KCNG2: variants seen among roughly 807,000 people sequenced by gnomAD.
KCNG2 encodes the protein potassium voltage-gated channel modifier subfamily G member 2, also known as voltage-gated potassium channel regulatory subunit KCNG2.
Under a neutral mutation model 12.3 loss-of-function variants are expected in KCNG2, and 7 were observed. The observed-to-expected ratio is 0.57, with a 90% CI of 0.32 to 1.07. The LOEUF (loss-of-function observed/expected upper bound fraction) is 1.07, where lower values mean the gene tolerates loss of function less well. Among genes scored for constraint, KCNG2 ranks in the 50% least tolerant of loss-of-function variants. KCNG2 has a pLI of 0.04. For synonymous variants in KCNG2, 414 were observed against 351.4 expected (o/e 1.18, Z -1.99); for missense variants, 703 against 726.0 (o/e 0.97, Z 0.36).
intron 3 of KCNG2, 56 bp from the exon 4 acceptor site, chr18:79,898,984 G>A (rs1370294593): frequency 5.6e-5 from 74 of 1,323,184 alleles, no homozygotes; most frequent in Non-Finnish European, 7.1e-5. Context: ...AGGGCAAGGC[G>A]CCCCCGGCCC....
chr18:79,887,141 G>A (rs1304807136), intron 3 of KCNG2, among the ~76,000 whole-genome samples: 3 of 149,688 alleles, frequency 2.0e-5, no homozygotes, highest in Admixed American at 6.6e-5. Context: ...TAGGGACACG[G>A]ACAGGGACAC....
intron 1 of KCNG2, among the ~76,000 whole-genome samples, chr18:79,810,602 T>TAA (rs60416483): frequency 1.3e-5 from 2 of 150,940 alleles, no homozygotes; most frequent in Non-Finnish European, 3.0e-5. Context: ...ACCCTGTCTC[T>TAA]AAAAAAAAAG....
chr18:79,862,731 A>G (rs1014930456), intron 2 of KCNG2, among the ~76,000 whole-genome samples: 2 of 152,206 alleles, frequency 1.3e-5, no homozygotes, highest in African/African-American at 4.8e-5. Context: ...TCAGGCAGCA[A>G]TGGCTGAAAC....
At chr18:79,801,491 G>A (rs1478385010) in intron 1 of KCNG2, among the ~76,000 whole-genome samples, 2 of 152,234 alleles carry the variant, frequency 1.3e-5, no homozygotes, top group African/African-American at 4.8e-5. Context: ...GCCCGGCAAG[G>A]AGGGGACGCA....
intron 1 of KCNG2, among the ~76,000 whole-genome samples, chr18:79,828,323 T>C (rs1599375572): frequency 6.6e-6 from 1 of 152,348 alleles, no homozygotes; most frequent in Admixed American, 6.5e-5. Flanking sequence ...ACTGCGTCAT[T>C]GCATGTCTGC....
In KCNG2 at chr18:79,864,030, C is replaced by T. The variant is rs1979342612; in HGVS notation, c.363C>T (p.Arg121=). ...CGCGCCTGGAGCGCTGCTGCCTGCG[C>T]CGCCTGCGCCGCCGCGAGGAGGAGG... The part of the protein sequence containing the change: ...DEARLERCCL[R]RLRRREEEAA... The change falls in exon 3 of 4, where the codon CGC becomes CGT. Residue 121 remains arginine (R), a synonymous_variant. Transcript: ENST00000316249. 8.7e-7 allele frequency: 1 copy of T among 1,143,858 alleles called. No homozygotes were observed. The highest frequency in any genetic ancestry group is 1.1e-6 in the Non-Finnish European group (1 of 931,876). 70.9% of individuals were successfully genotyped at this position (1,143,858 alleles called of 1,614,324 possible). A position where few individuals can be genotyped will look rare whatever the true frequency, so the allele number is the denominator to read the frequency against.
At chr18:79,804,568 G>A (rs1247462982) in intron 1 of KCNG2, among the ~76,000 whole-genome samples, 2 of 152,248 alleles carry the variant, frequency 1.3e-5, no homozygotes, top group African/African-American at 2.4e-5. Context: ...AGCTGCTGAC[G>A]CACCGCTGCT....
At chr18:79,853,008 G>A (rs776370510) in intron 1 of KCNG2, among the ~76,000 whole-genome samples, 8 of 152,214 alleles carry the variant, frequency 5.3e-5, no homozygotes, top group Admixed American at 3.9e-4. Flanking sequence ...ACACGGCACC[G>A]CGTGGATGCC....
chr18:79,877,850 C>G (rs1448543053), intron 3 of KCNG2, among the ~76,000 whole-genome samples: 1 of 152,220 alleles, frequency 6.6e-6, no homozygotes, highest in Non-Finnish European at 1.5e-5. Flanking sequence ...GGGCTCCCAG[C>G]CCACTTAGTT....
chr18:79,805,157 T>C (rs1260584566), intron 1 of KCNG2, among the ~76,000 whole-genome samples: 1 of 152,232 alleles, frequency 6.6e-6, no homozygotes, highest in African/African-American at 2.4e-5. Flanking sequence ...TGAAGAAACT[T>C]TGCATATCGT....
chr18:79,833,664 G>T (rs1013332922), intron 1 of KCNG2, among the ~76,000 whole-genome samples: 1 of 152,190 alleles, frequency 6.6e-6, no homozygotes, highest in Non-Finnish European at 1.5e-5. Flanking sequence ...CATTTCCACG[G>T]ATAAACAAGG....
In KCNG2 at chr18:79,884,521, C is replaced by G. The variant is rs1007879253; in HGVS notation, c.625-14519C>G. 6.6e-6 allele frequency among the ~76,000 whole-genome samples: 1 copy of G among 151,756 alleles called. No individual in the cohort carries two copies. The highest frequency in any genetic ancestry group is 2.4e-5 in the African/African-American group (1 of 41,374). On this transcript the variant is annotated intron_variant, in intron 3 of 3. Transcript: ENST00000316249. This position sits in a 1 kb window ranked among gnomAD's most constrained non-coding sequence, Gnocchi z 5.5. The stretch of plus-strand genomic sequence containing the variant: ...GGGGGAGAGCCAGGCTGTGATGTCC[C>G]GATGCAGTGGAGGAGCAGGGCTGGG...
intron 1 of KCNG2, among the ~76,000 whole-genome samples, chr18:79,841,436 T>C (rs1262238555): frequency 6.6e-6 from 1 of 152,162 alleles, no homozygotes; most frequent in African/African-American, 2.4e-5. Context: ...TATTTTGCTC[T>C]GCAAAAGACC....
At chr18:79,810,302 A>C (rs1236313668) in intron 1 of KCNG2, among the ~76,000 whole-genome samples, 1 of 151,912 alleles carries the variant, frequency 6.6e-6, no homozygotes, top group East Asian at 1.9e-4. Context: ...ATGAGACTGG[A>C]GAATTTCTGA....
At chr18:79,818,018 C>T (rs1357510878) in intron 1 of KCNG2, among the ~76,000 whole-genome samples, 1 of 152,232 alleles carries the variant, frequency 6.6e-6, no homozygotes, top group Non-Finnish European at 1.5e-5. Flanking sequence ...GCTGCCTCCT[C>T]GCCAGGTGGG....
At position 79,850,496 on chromosome 18, in the gene KCNG2, G is replaced by A. The variant is rs190814002; in HGVS notation, c.-114-5883G>A. On this transcript the variant is annotated intron_variant, in intron 1 of 3. Transcript: ENST00000316249. ...ATTTCTGAAGTCAATTCTAGTCCATGTTTTATTGTCTTTATTGGCATGAAG... is the reference window on the plus strand; with the variant it reads ...ATTTCTGAAGTCAATTCTAGTCCATATTTTATTGTCTTTATTGGCATGAAG... Among the ~76,000 whole-genome samples the A allele has an allele frequency of 2.6e-5, 4 of 152,318 alleles. No homozygotes were observed. The East Asian group carries it at 5.8e-4, about 22-fold the overall frequency.
At chr18:79,866,216 GTGCTGAGAGGTCTGGA>G (rs1979532290) in intron 3 of KCNG2, among the ~76,000 whole-genome samples, 1 of 147,592 alleles carries the variant, frequency 6.8e-6, no homozygotes, top group East Asian at 2.1e-4. Context: ...TGAGAAGTCT[GTGCTGAGAGGTCTGGA>G]TGCTGAGAGG....
At chr18:79,834,463 C>T (rs1302453582) in intron 1 of KCNG2, among the ~76,000 whole-genome samples, 2 of 152,150 alleles carry the variant, frequency 1.3e-5, no homozygotes, top group African/African-American at 2.4e-5. Context: ...TCAGACCCAA[C>T]ACCAGGTCAT....
chr18:79,856,429 T>C lies in KCNG2; in HGVS notation c.-64T>C, dbSNP rs1254130406. On this transcript the variant is annotated 5_prime_UTR_variant, in exon 2 of 4. Transcript: ENST00000316249. ...TTTTCACCGGTTCCCTGAAAGAGAATACCCTGTACCTTCACAGAGCCAGGT... is the reference window on the plus strand; with the variant it reads ...TTTTCACCGGTTCCCTGAAAGAGAACACCCTGTACCTTCACAGAGCCAGGT... Among the ~76,000 whole-genome samples the C allele has an allele frequency of 1.6e-4, 25 of 152,182 alleles. No homozygotes were observed. The highest frequency in any genetic ancestry group is 1.6e-3 in the Admixed American group (25 of 15,286).
Sources: gnomAD v4.1 joint callset for allele counts (sites outside exome capture counted in the v4.1 genomes callset) on GRCh38, gnomAD v4.1.1 for gene constraint, Gnocchi (gnomAD v3.1) non-coding constraint, MANE v1.5 for transcripts, NCBI Gene and HGNC (gene_info 2026-07-23, HGNC 2026-07-21) for gene names.